The following ITIH5 variants were observed in gnomAD, a reference collection of about 807,000 sequenced individuals.
The protein encoded by ITIH5 is inter-alpha-trypsin inhibitor heavy chain 5, also known as inter-alpha-trypsin inhibitor heavy chain H5.
ITIH5 carries 65 observed loss-of-function variants against 77.5 expected under a neutral mutation model. The ratio of observed to expected loss-of-function variants is 0.84; its 90% CI spans 0.69 to 1.03. The LOEUF (loss-of-function observed/expected upper bound fraction) is 1.03. ITIH5 is among the 50% of genes least tolerant of loss of function. The probability of loss-of-function intolerance (pLI) is 0.00; values close to 1 mark genes in which losing one functional copy is unlikely to be tolerated. For synonymous variants in ITIH5, 525 were observed against 494.3 expected, an observed-to-expected ratio of 1.06 and a Z score of -0.82; for missense variants, 1,208 against 1,213.1, an observed-to-expected ratio of 1.00 and a Z score of 0.06.
At chr10:7,619,567 T>C (rs1833435214) in intron 5 of ITIH5, 1 of 376,714 alleles carries the variant, frequency 2.7e-6, no homozygotes, top group Non-Finnish European at 5.5e-6. Context: ...AGAAAAGAGG[T>C]TTAATTGACT....
intron 7 of ITIH5, among the ~76,000 whole-genome samples, chr10:7,594,825 A>G (rs1832862833): frequency 6.6e-6 from 1 of 152,212 alleles, no homozygotes; most frequent in South Asian, 2.1e-4. Flanking sequence ...GTGGCGGATC[A>G]GGAAGAGGCA....
At chr10:7,592,375 T>C (rs185681015) in intron 7 of ITIH5, among the ~76,000 whole-genome samples, 75 of 151,826 alleles carry the variant, frequency 4.9e-4, no homozygotes, top group African/African-American at 1.5e-3. Context: ...TTGTACATTG[T>C]AGGCTTTTAG....
At chr10:7,662,992 A>G (rs1213637430) in intron 1 of ITIH5, among the ~76,000 whole-genome samples, 1 of 152,260 alleles carries the variant, frequency 6.6e-6, no homozygotes. Context: ...AATTCAGGGA[A>G]TTAGAAATGT....
chr10:7,605,033 G>T (rs1252498668), intron 7 of ITIH5, among the ~76,000 whole-genome samples: 1 of 152,012 alleles, frequency 6.6e-6, no homozygotes, highest in African/African-American at 2.4e-5. Context: ...TGTTGCCCAG[G>T]CTGGTCTCGA....
intron 12 of ITIH5, 120 bp from the exon 13 acceptor site, chr10:7,566,527 A>T: frequency 1.1e-6 from 1 of 911,164 alleles, no homozygotes; most frequent in African/African-American, 1.7e-5. Flanking sequence ...CAGGAGTTCA[A>T]GACCAGCCTG....
intron 8 of ITIH5, 47 bp from the exon 9 acceptor site, chr10:7,580,111 CG>C: frequency 6.8e-7 from 1 of 1,480,566 alleles, no homozygotes; most frequent in African/African-American, 1.4e-5. Context: ...CACTCACCTC[CG>C]CACTCTGATT....
intron 5 of ITIH5, among the ~76,000 whole-genome samples, chr10:7,633,361 C>T (rs1391358457): frequency 6.6e-6 from 1 of 151,504 alleles, no homozygotes; most frequent in Non-Finnish European, 1.5e-5. Flanking sequence ...TACAATTCAA[C>T]AGATGTGGGT....
Position 7,561,678 on chromosome 10 carries a change from T to C in ITIH5, c.*1405A>G, listed in dbSNP as rs1330332687. The stretch of plus-strand genomic sequence containing the variant: ...TGGATGTCATTTTACTGCCTGAATG[T>C]TTCCCCAGGGAAGGCAAACATGATA... On this transcript the variant is annotated 3_prime_UTR_variant, in exon 14 of 14. Transcript: ENST00000397146. 1 of 152,226 alleles carries C rather than the reference T, an allele frequency of 6.6e-6. No individual in the cohort carries two copies. Among genetic ancestry groups the C allele is most frequent in the African/African-American group, 2.4e-5 (1 of 41,456 alleles). 9.4% of individuals were successfully genotyped at this position (152,226 alleles called of 1,614,324 possible).
In ITIH5 at chr10:7,560,050, C is replaced by T. The variant is rs1211335253; in HGVS notation, c.*3033G>A. The T allele has an allele frequency of 1.5e-5, 5 of 336,108 alleles. No individual in the cohort carries two copies. Among genetic ancestry groups the T allele is most frequent in the Admixed American group, 3.9e-5 (1 of 25,520 alleles). 20.8% of individuals were successfully genotyped at this position (336,108 alleles called of 1,614,324 possible). ...TATTTTTAGTAGAGACGAGGTTTCA[C>T]CATGTTGGCCAGGATGGTCTCCATC... is the stretch of plus-strand genomic sequence containing the variant. On this transcript the variant is annotated 3_prime_UTR_variant, in exon 14 of 14. Coordinates refer to ENST00000397146, the MANE Select transcript of ITIH5 (RefSeq NM_030569.7).
intron 11 of ITIH5, chr10:7,572,004 A>G: frequency 2.0e-6 from 2 of 1,005,858 alleles, no homozygotes; most frequent in Non-Finnish European, 2.4e-6. Context: ...AAATTGTCCA[A>G]ATTTCTTTAC....
intron 13 of ITIH5, among the ~76,000 whole-genome samples, chr10:7,565,083 T>TACACACAC (rs60129280): frequency 1.5e-5 from 2 of 136,156 alleles, no homozygotes; most frequent in African/African-American, 6.6e-5. Flanking sequence ...TATATATATA[T>TACACACAC]ACACACACAC....
chr10:7,661,302 T>A (rs1834272755), intron 1 of ITIH5, among the ~76,000 whole-genome samples: 1 of 152,166 alleles, frequency 6.6e-6, no homozygotes, highest in South Asian at 2.1e-4. Context: ...TTCAACTGAC[T>A]GAAGTCATGC....
At chr10:7,634,088 CAAAAAAAAAAAA>C (rs752092484) in intron 5 of ITIH5, among the ~76,000 whole-genome samples, 2 of 60,030 alleles carry the variant, frequency 3.3e-5, no homozygotes, top group East Asian at 4.8e-4. Flanking sequence ...GACTCCGTCT[CAAAAAAAAAAAA>C]AAAAAAAAAG....
chr10:7,585,585 C>T (rs929755758), intron 8 of ITIH5, among the ~76,000 whole-genome samples: 4 of 152,130 alleles, frequency 2.6e-5, no homozygotes, highest in African/African-American at 9.7e-5. Flanking sequence ...AAACCGTTTA[C>T]AAAAACAGTA....
In ITIH5 at chr10:7,617,215, T is replaced by G. The variant is rs770149636; in HGVS notation, c.720A>C (p.Lys240Asn). ...QNETFANIIF[K>N]PTVVQQARIA... ...TCCTGGCTTGTTGTACTACAGTAGG[T>G]TTAAAAATTATGTTGGCAAATGTTT... Residue 240 changes from lysine to asparagine, a missense_variant, in exon 6 of 14, where the codon AAA becomes AAC. By Grantham distance (94) the Lys-to-Asn change is moderately conservative. Transcript: ENST00000397146. 2 of 1,602,090 alleles carry G rather than the reference T, an allele frequency of 1.2e-6. No individual in the cohort carries two copies. The highest frequency in any genetic ancestry group is 3.4e-5 in the Admixed American group (2 of 58,224).
intron 7 of ITIH5, among the ~76,000 whole-genome samples, chr10:7,604,978 C>T (rs193135474): frequency 1.3e-5 from 2 of 152,194 alleles, no homozygotes; most frequent in African/African-American, 4.8e-5. Context: ...CCCACCACCA[C>T]ACCCAGCCAA....
intron 5 of ITIH5, among the ~76,000 whole-genome samples, chr10:7,624,593 A>AG (rs772729973): frequency 2.6e-5 from 4 of 151,384 alleles, no homozygotes; most frequent in Non-Finnish European, 5.9e-5. Flanking sequence ...CAAGGGGGGC[A>AG]GATCACCTGG....
intron 2 of ITIH5, among the ~76,000 whole-genome samples, chr10:7,644,606 C>T (rs190745867): frequency 1.6e-4 from 17 of 106,460 alleles, no homozygotes; most frequent in South Asian, 3.4e-4. Flanking sequence ...ATACATATCA[C>T]ATATATCACA....
At chr10:7,573,092 T>A (rs774375805) in intron 11 of ITIH5, 50 bp downstream of exon 11, 20 of 1,568,224 alleles carry the variant, frequency 1.3e-5, no homozygotes, top group Non-Finnish European at 1.7e-5. Flanking sequence ...TTTACACTTT[T>A]TAAACATCTC....
Sources: gnomAD v4.1 joint callset for allele counts (sites outside exome capture counted in the v4.1 genomes callset) on GRCh38, gnomAD v4.1.1 for gene constraint, MANE v1.5 for transcripts, NCBI Gene and HGNC (gene_info 2026-07-23, HGNC 2026-07-21) for gene names.